Variants in RBMS3 observed in about 807,000 individuals in gnomAD.
RBMS3 encodes RNA binding motif single stranded interacting protein 3, also known as RNA-binding motif, single-stranded-interacting protein 3.
RBMS3 carries 27 observed loss-of-function variants against 66.8 expected under a neutral mutation model. That is an observed-to-expected ratio of 0.40 (90% CI 0.30 to 0.56). RBMS3 has a LOEUF of 0.56. RBMS3 is among the 20% of genes least tolerant of loss of function. RBMS3 has a pLI of 0.40. For missense variants in RBMS3, 513 were observed against 549.5 expected, an observed-to-expected ratio of 0.93 and a Z score of 0.66; for synonymous variants, 188 against 183.0, an observed-to-expected ratio of 1.03 and a Z score of -0.22.
chr3:29,623,536 G>A (rs2048951981), intron 4 of RBMS3, among the ~76,000 whole-genome samples: 1 of 149,716 alleles, frequency 6.7e-6, no homozygotes, highest in African/African-American at 2.5e-5. Context: ...AGCTTTTGCA[G>A]TGAGCCGAGA....
intron 4 of RBMS3, among the ~76,000 whole-genome samples, chr3:29,613,028 G>A (rs561420827): frequency 1.3e-5 from 2 of 152,140 alleles, no homozygotes; most frequent in Admixed American, 6.6e-5. Context: ...TAGCACCAGG[G>A]CTGCATTCGT....
intron 3 of RBMS3, among the ~76,000 whole-genome samples, chr3:29,554,724 G>T (rs1449963243): frequency 2.0e-5 from 3 of 152,084 alleles, no homozygotes; most frequent in African/African-American, 7.2e-5. Context: ...AAGATAAAAG[G>T]ATATAAAAGC....
At chr3:29,695,972 G>A (rs529447599) in intron 4 of RBMS3, among the ~76,000 whole-genome samples, 152 of 152,292 alleles carry the variant, frequency 1.0e-3, no homozygotes, top group African/African-American at 3.4e-3. Context: ...GTAAGGCCAG[G>A]GGGGTCACTA....
intron 6 of RBMS3, among the ~76,000 whole-genome samples, chr3:29,853,201 A>G (rs939055855): frequency 6.6e-6 from 1 of 152,070 alleles, no homozygotes; most frequent in Admixed American, 6.6e-5. Flanking sequence ...AAAATAACTA[A>G]TGGCTACTAG....
chr3:29,761,721 G>A (rs1239310420), intron 5 of RBMS3, among the ~76,000 whole-genome samples: 1 of 152,048 alleles, frequency 6.6e-6, no homozygotes, highest in Non-Finnish European at 1.5e-5. Context: ...GTCCTGAAAT[G>A]GACATAAAAT....
intron 3 of RBMS3, among the ~76,000 whole-genome samples, chr3:29,507,731 C>CA (rs1559421187): frequency 6.6e-6 from 1 of 151,748 alleles, no homozygotes; most frequent in Admixed American, 6.6e-5. Context: ...GAAAAGGTAG[C>CA]AAAAAAATAA....
intron 6 of RBMS3, among the ~76,000 whole-genome samples, chr3:29,821,851 G>A (rs374313267): frequency 4.6e-4 from 70 of 152,160 alleles, no homozygotes; most frequent in African/African-American, 1.6e-3. Flanking sequence ...CTTGCTTCTA[G>A]CCACATCAGA....
At chr3:29,780,692 C>T (rs1233274671) in intron 6 of RBMS3, among the ~76,000 whole-genome samples, 1 of 152,224 alleles carries the variant, frequency 6.6e-6, no homozygotes, top group South Asian at 2.1e-4. Flanking sequence ...TTTGATATCA[C>T]CTTTTCCTAT....
intron 3 of RBMS3, among the ~76,000 whole-genome samples, chr3:29,577,908 G>T (rs184293741): frequency 4.7e-4 from 71 of 152,294 alleles, no homozygotes; most frequent in African/African-American, 1.7e-3. Flanking sequence ...TCCTTGAGAT[G>T]ATGCTTTTCT....
At chr3:29,445,313 C>A (rs1417656161) in intron 2 of RBMS3, among the ~76,000 whole-genome samples, 3 of 151,320 alleles carry the variant, frequency 2.0e-5, no homozygotes, top group Non-Finnish European at 4.4e-5. Flanking sequence ...TTGTGTAGAT[C>A]CCAAGGAGAG....
chr3:29,645,727 C>T lies in RBMS3; in HGVS notation c.399+58522C>T, dbSNP rs145237047. ...ACTTTGGGTTTGTGCTAATTTTTTC[C>T]TCTTAGACAATTAAAACTTTCCAAG... On this transcript the variant is annotated intron_variant, in intron 4 of 14. Coordinates refer to ENST00000383767, the MANE Select transcript of RBMS3 (RefSeq NM_001003793.3). Among the ~76,000 whole-genome samples the T allele has an allele frequency of 7.9e-5, 12 of 152,202 alleles. 1 individual carries two copies. Among genetic ancestry groups the T allele is most frequent in the African/African-American group, 2.9e-4 (12 of 41,516 alleles).
intron 10 of RBMS3, chr3:29,903,295 C>T (rs2060299615): frequency 6.6e-6 from 1 of 151,868 alleles, no homozygotes; most frequent in Admixed American, 6.6e-5. Context: ...TTCTGTTTGC[C>T]TTTTGTTATT....
intron 3 of RBMS3, among the ~76,000 whole-genome samples, chr3:29,568,881 C>G (rs993344078): frequency 5.4e-4 from 82 of 152,162 alleles, no homozygotes; most frequent in Non-Finnish European, 1.0e-3. Context: ...TTCCCATTCT[C>G]TCTATAGTTT....
chr3:29,707,867 G>A (rs1440518), intron 4 of RBMS3, among the ~76,000 whole-genome samples: 86,984 of 152,032 alleles, frequency 0.57, 25,380 homozygotes, highest in African/African-American at 0.69. Flanking sequence ...AAAATACGGA[G>A]CAGCTTATAG....
rs756956373 is a variant in RBMS3, at chr3:29,434,762, C to T, written c.95C>T (p.Pro32Leu). 7 of 1,613,742 alleles carry T rather than the reference C, an allele frequency of 4.3e-6. No homozygotes were observed. The highest frequency in any genetic ancestry group is 4.0e-5 in the African/African-American group (3 of 74,888). The change falls in exon 2 of 15, where the codon CCC (proline) becomes CTC (leucine). Residue 32 changes from proline to leucine, a missense_variant. By Grantham distance (98) the Pro-to-Leu change is moderately conservative. Transcript: ENST00000383767. ...TTCCAGCAGTCCTATGCACCAGCTC[C>T]CCACCCCATGGCTCCTCCCAGCCCC... The part of the protein sequence containing the change: ...LQTKQSYAPA[P>L]HPMAPPSPST...
intron 3 of RBMS3, among the ~76,000 whole-genome samples, chr3:29,494,818 C>A (rs554557710): frequency 4.6e-5 from 7 of 152,276 alleles, no homozygotes; most frequent in African/African-American, 1.7e-4. Flanking sequence ...CATCATATTT[C>A]CGACAGGCTA....
intron 1 of RBMS3, among the ~76,000 whole-genome samples, chr3:29,410,765 A>C (rs570195551): frequency 6.6e-6 from 1 of 152,322 alleles, no homozygotes; most frequent in African/African-American, 2.4e-5. Context: ...TATGGTATTC[A>C]CTGGGTGTTT....
At chr3:29,887,181 C>T (rs1032305448) in intron 8 of RBMS3, among the ~76,000 whole-genome samples, 9 of 151,618 alleles carry the variant, frequency 5.9e-5, no homozygotes, top group Non-Finnish European at 1.0e-4. Flanking sequence ...AATGACCGAC[C>T]GAAACTGGAT....
intron 6 of RBMS3, among the ~76,000 whole-genome samples, chr3:29,850,876 C>G (rs1181703545): frequency 6.6e-6 from 1 of 152,210 alleles, no homozygotes; most frequent in Non-Finnish European, 1.5e-5. Context: ...AGGATCCCTA[C>G]TAGTTCACTG....
Sources: gnomAD v4.1 joint callset for allele counts (sites outside exome capture counted in the v4.1 genomes callset) on GRCh38, gnomAD v4.1.1 for gene constraint, MANE v1.5 for transcripts, NCBI Gene and HGNC (gene_info 2026-07-23, HGNC 2026-07-21) for gene names.